Variants in FRRS1 observed in about 807,000 individuals in gnomAD.
FRRS1 encodes the protein ferric chelate reductase 1.
A neutral mutation model predicts 70.7 loss-of-function variants in FRRS1; 51 were observed. The observed-to-expected ratio is 0.72, with a 90% CI of 0.58 to 0.91. FRRS1 has a LOEUF of 0.91. FRRS1 is among the 40% of genes least tolerant of loss of function. The probability of loss-of-function intolerance (pLI) is 0.00; values close to 1 mark genes in which losing one functional copy is unlikely to be tolerated. For synonymous variants in FRRS1, 225 were observed against 238.7 expected (o/e 0.94, Z 0.53); for missense variants, 672 against 726.0 (o/e 0.93, Z 0.86).
At chr1:99,745,259 A>G (rs11166322) in intron 4 of FRRS1, among the ~76,000 whole-genome samples, 29,655 of 152,170 alleles carry the variant, frequency 0.19, 3,074 homozygotes, top group East Asian at 0.27. Context: ...GAGAAGATAA[A>G]CATCAGCTGC....
chr1:99,728,524 G>A lies in FRRS1; in HGVS notation c.975C>T (p.Tyr325=). The A allele has an allele frequency of 6.2e-7, 1 of 1,612,202 alleles. No individual in the cohort carries two copies. Among genetic ancestry groups the A allele is most frequent in the Admixed American group, 1.7e-5 (1 of 60,010 alleles). The change falls in exon 9 of 17, where the codon TAC becomes TAT. Residue 325 remains tyrosine, a synonymous_variant. Transcript: ENST00000646001. ...TAGCTGCACCATCTGCTAGAAATATGTAATAGCTTGTGTTTAGATCAAATC... is the reference window on the plus strand; with the variant it reads ...TAGCTGCACCATCTGCTAGAAATATATAATAGCTTGTGTTTAGATCAAATC... ...KNRFDLNTSY[Y]IFLADGAAND...
At chr1:99,741,498 G>A (rs1655959296) in intron 5 of FRRS1, among the ~76,000 whole-genome samples, 1 of 152,146 alleles carries the variant, frequency 6.6e-6, no homozygotes, top group South Asian at 2.1e-4. Flanking sequence ...TAAAATATAT[G>A]TCCATATCAC....
intron 9 of FRRS1, among the ~76,000 whole-genome samples, chr1:99,723,736 A>G (rs1654947509): frequency 6.6e-6 from 1 of 152,232 alleles, no homozygotes; most frequent in Non-Finnish European, 1.5e-5. Flanking sequence ...ATTTATTGAT[A>G]GATTTTTAGT....
chr1:99,708,887 T>C lies in FRRS1; in HGVS notation c.*141A>G, dbSNP rs772725916. On this transcript the variant is annotated 3_prime_UTR_variant, in exon 17 of 17. Coordinates refer to ENST00000646001, the MANE Select transcript of FRRS1 (RefSeq NM_001361041.2). ...AATGTTGTTCTCTAAAGGCTGGACTTCAGAATTCCTCTACAGACATGACCC... is the reference window on the plus strand; with the variant it reads ...AATGTTGTTCTCTAAAGGCTGGACTCCAGAATTCCTCTACAGACATGACCC... The C allele has an allele frequency of 3.1e-5, 49 of 1,596,438 alleles. No homozygotes were observed. The highest frequency in any genetic ancestry group is 8.6e-7 in the Non-Finnish European group (1 of 1,164,444).
chr1:99,734,935 T>A (rs1343894618), intron 7 of FRRS1, among the ~76,000 whole-genome samples: 4 of 152,106 alleles, frequency 2.6e-5, no homozygotes, highest in African/African-American at 9.7e-5. Context: ...CATGGAGAGA[T>A]CATGTATGGA....
chr1:99,722,446 T>C (rs1344724669), intron 9 of FRRS1, among the ~76,000 whole-genome samples: 1 of 152,062 alleles, frequency 6.6e-6, no homozygotes, highest in Non-Finnish European at 1.5e-5. Context: ...TAAACCAAAA[T>C]CACTTATGAA....
At chr1:99,750,893 G>A (rs1462939070) in intron 1 of FRRS1, among the ~76,000 whole-genome samples, 1 of 152,120 alleles carries the variant, frequency 6.6e-6, no homozygotes, top group Non-Finnish European at 1.5e-5. Context: ...CTACATCTAG[G>A]TATATATGAT....
At chr1:99,748,811 A>T (rs763423155) in intron 2 of FRRS1, 43 bp from the exon 3 acceptor site, 8 of 1,468,410 alleles carry the variant, frequency 5.4e-6, no homozygotes, top group Non-Finnish European at 7.5e-6. Flanking sequence ...ATATATAATT[A>T]AAATATAAAA....
intron 1 of FRRS1, among the ~76,000 whole-genome samples, chr1:99,764,857 T>G (rs1657277005): frequency 6.6e-6 from 1 of 152,242 alleles, no homozygotes; most frequent in Admixed American, 6.5e-5. Context: ...CTGTCTTCCT[T>G]TCTTGGATTC....
intron 9 of FRRS1, among the ~76,000 whole-genome samples, chr1:99,721,958 G>A (rs1160690221): frequency 2.6e-5 from 4 of 151,784 alleles, no homozygotes; most frequent in African/African-American, 7.3e-5. Flanking sequence ...ATATGGGTGA[G>A]TTCTACCATA....
chr1:99,709,839 G>A (rs999549552), intron 15 of FRRS1, among the ~76,000 whole-genome samples: 1 of 152,040 alleles, frequency 6.6e-6, no homozygotes, highest in Non-Finnish European at 1.5e-5. Flanking sequence ...ATGATAGCAC[G>A]TCCCTGTGAT....
intron 12 of FRRS1, among the ~76,000 whole-genome samples, chr1:99,715,014 TA>T (rs1376044882): frequency 1.3e-5 from 2 of 152,136 alleles, no homozygotes; most frequent in Non-Finnish European, 2.9e-5. Context: ...ATTTGAGATT[TA>T]AAAGATTTTT....
chr1:99,708,722 T>G lies in FRRS1; in HGVS notation c.*306A>C. Reference sequence around the variant, plus strand: ...TGTTGTGATTTTCCAAATCACTATTTATTTTCTTAAATACCAACATTCTTA... The same window carrying G: ...TGTTGTGATTTTCCAAATCACTATTGATTTTCTTAAATACCAACATTCTTA... On this transcript the variant is annotated 3_prime_UTR_variant, in exon 17 of 17. Transcript: ENST00000646001. 1 of 458,820 alleles carries G rather than the reference T, an allele frequency of 2.2e-6. No homozygotes were observed. 28.4% of individuals were successfully genotyped at this position (458,820 alleles called of 1,614,324 possible).
chr1:99,707,116 C>T lies in FRRS1; in HGVS notation c.*1912G>A, dbSNP rs1319527847. ...TGAACACAGAAAGTTCATATCTAAG[C>T]CCTAAGCCACTTATGATAAACACCT... On this transcript the variant is annotated 3_prime_UTR_variant, in exon 17 of 17. Transcript: ENST00000646001. Among the ~76,000 whole-genome samples, 1 of 151,806 alleles carries T rather than the reference C, an allele frequency of 6.6e-6. No individual in the cohort carries two copies. Among genetic ancestry groups the T allele is most frequent in the African/African-American group, 2.4e-5 (1 of 41,282 alleles).
rs1557679656 is a variant in FRRS1, at chr1:99,704,853, C to G, written c.*4175G>C. On this transcript the variant is annotated 3_prime_UTR_variant, in exon 17 of 17. Coordinates refer to ENST00000646001, the MANE Select transcript of FRRS1 (RefSeq NM_001361041.2). Reference sequence around the variant, plus strand: ...GCAATCAGAGGAGAGCCCAGGCAGTCTAGCGGCCCAACTCCAGGGGAAAAC... The same window carrying G: ...GCAATCAGAGGAGAGCCCAGGCAGTGTAGCGGCCCAACTCCAGGGGAAAAC... Among the ~76,000 whole-genome samples, 1 of 152,130 alleles carries G rather than the reference C, an allele frequency of 6.6e-6. No homozygotes were observed. Among genetic ancestry groups the G allele is most frequent in the Non-Finnish European group, 1.5e-5 (1 of 68,020 alleles).
At chr1:99,712,844 C>G (rs1654341083) in intron 12 of FRRS1, among the ~76,000 whole-genome samples, 1 of 152,100 alleles carries the variant, frequency 6.6e-6, no homozygotes, top group Admixed American at 6.6e-5. Flanking sequence ...AATCCATGTA[C>G]AGAATGCTAC....
intron 12 of FRRS1, among the ~76,000 whole-genome samples, chr1:99,713,854 GA>G (rs1346950974): frequency 6.6e-6 from 1 of 152,144 alleles, no homozygotes; most frequent in Non-Finnish European, 1.5e-5. Flanking sequence ...AGTGCTATGG[GA>G]AAAAATAGAG....
At chr1:99,713,292 T>C (rs1654362762) in intron 12 of FRRS1, among the ~76,000 whole-genome samples, 1 of 152,230 alleles carries the variant, frequency 6.6e-6, no homozygotes. Context: ...ATCCAAGGAA[T>C]CCAGCTTTAG....
chr1:99,750,677 G>GA (rs56815242), intron 1 of FRRS1, among the ~76,000 whole-genome samples: 66,167 of 140,404 alleles, frequency 0.47, 16,986 homozygotes, highest in African/African-American at 0.71. Context: ...AAACTGAAAA[G>GA]AAAAAAAAAA....
Sources: gnomAD v4.1 joint callset for allele counts (sites outside exome capture counted in the v4.1 genomes callset) on GRCh38, gnomAD v4.1.1 for gene constraint, MANE v1.5 for transcripts, NCBI Gene and HGNC (gene_info 2026-07-23, HGNC 2026-07-21) for gene names.